Variants in MAP4 observed in about 807,000 individuals in gnomAD.
MAP4 encodes microtubule-associated protein 4.
A neutral mutation model predicts 170.2 loss-of-function variants in MAP4; 76 were observed. The observed-to-expected ratio is 0.45, with a 90% CI of 0.37 to 0.54. MAP4 has a LOEUF of 0.54. Ranked by LOEUF, MAP4 falls within the 20% of genes least tolerant of loss-of-function variation. MAP4 has a pLI of 0.00. For missense variants in MAP4, 2,506 were observed against 2,748.0 expected (o/e 0.91, Z 1.97); for synonymous variants, 909 against 994.5 (o/e 0.91, Z 1.62).
At chr3:48,008,767 C>A (rs1372858185) in intron 1 of MAP4, among the ~76,000 whole-genome samples, 4 of 152,326 alleles carry the variant, frequency 2.6e-5, no homozygotes, top group East Asian at 1.9e-4. Flanking sequence ...CCATGGCCAA[C>A]AAAGTGGCCA....
In MAP4 at chr3:48,051,678, C is replaced by T. The variant is rs114136830; in HGVS notation, c.-20+37095G>A. On this transcript the variant is annotated intron_variant, in intron 1 of 18. Coordinates refer to the MAP4 transcript ENST00000360240. The stretch of plus-strand genomic sequence containing the variant: ...TAAGAATCATTTTAGTTCAAACTAC[C>T]ACCACATAATCATGTTCATTCAACA... Among the ~76,000 whole-genome samples the T allele has an allele frequency of 1.3e-3, 201 of 152,158 alleles. 1 individual carries two copies. Among genetic ancestry groups the T allele is most frequent in the African/African-American group, 4.6e-3 (189 of 41,514 alleles).
At chr3:48,029,597 T>G (rs143724407) in intron 1 of MAP4, among the ~76,000 whole-genome samples, 1 of 152,202 alleles carries the variant, frequency 6.6e-6, no homozygotes, top group African/African-American at 2.4e-5. Flanking sequence ...CCTAAGGTAG[T>G]AATCTGAACG....
At chr3:47,896,570 T>C (rs1392652330) in intron 10 of MAP4, among the ~76,000 whole-genome samples, 3 of 151,928 alleles carry the variant, frequency 2.0e-5, no homozygotes, top group African/African-American at 7.3e-5. Flanking sequence ...ACTGTACATA[T>C]ATATATATGA....
At chr3:47,913,001 G>A (rs890104626) in intron 8 of MAP4, among the ~76,000 whole-genome samples, 6 of 152,098 alleles carry the variant, frequency 3.9e-5, no homozygotes, top group African/African-American at 1.4e-4. Context: ...CCACATTTTG[G>A]TCAGAGAAAA....
Position 47,852,695 on chromosome 3 carries a change from A to T in MAP4, c.*239T>A, listed in dbSNP as rs747065518. 5.7e-5 allele frequency: 82 copies of T among 1,441,826 alleles called. No individual in the cohort carries two copies. Among genetic ancestry groups the T allele is most frequent in the Non-Finnish European group, 7.3e-5 (79 of 1,082,300 alleles). The allele number at this position is 1,441,826 out of a possible 1,614,324, so 89.3% of individuals were successfully genotyped here. The stretch of plus-strand genomic sequence containing the variant: ...TGGGCCCAGGCTGGGGAGTGAGAGG[A>T]GGTGTGGGGCAGGGCTGCTGCTGCC... On this transcript the variant is annotated 3_prime_UTR_variant, in exon 21 of 21. Transcript: ENST00000683076.
intron 3 of MAP4, among the ~76,000 whole-genome samples, chr3:47,951,004 T>A (rs971747867): frequency 1.3e-5 from 2 of 152,334 alleles, no homozygotes; most frequent in Middle Eastern, 3.4e-3. Context: ...TCAACAAATA[T>A]ATAAGACTAG....
chr3:47,991,093 G>A (rs1038035185), intron 2 of MAP4, among the ~76,000 whole-genome samples: 2 of 152,158 alleles, frequency 1.3e-5, no homozygotes, highest in Non-Finnish European at 2.9e-5. Context: ...AGGTCGGGGG[G>A]TTCTTGTGTT....
intron 8 of MAP4, among the ~76,000 whole-genome samples, chr3:47,914,094 TG>T (rs2100037331): frequency 6.6e-6 from 1 of 152,202 alleles, no homozygotes; most frequent in African/African-American, 2.4e-5. Flanking sequence ...TGTTGGGCCA[TG>T]GAACACTGTA....
intron 2 of MAP4, among the ~76,000 whole-genome samples, chr3:47,996,914 A>G (rs977570367): frequency 6.6e-6 from 1 of 152,196 alleles, no homozygotes; most frequent in African/African-American, 2.4e-5. Flanking sequence ...AGAAATAAGG[A>G]AGCTTATAAG....
chr3:47,982,367 A>G (rs778714716), intron 2 of MAP4, among the ~76,000 whole-genome samples: 4 of 152,214 alleles, frequency 2.6e-5, no homozygotes, highest in Non-Finnish European at 5.9e-5. Flanking sequence ...GAGACATGTT[A>G]TGGAAATAAA....
Position 47,867,414 on chromosome 3 carries a change from T to C in MAP4, c.6409-76A>G, listed in dbSNP as rs2082382469. On this transcript the variant is annotated intron_variant, in intron 16 of 20. Coordinates refer to ENST00000683076, the MANE Select transcript of MAP4 (RefSeq NM_001385682.1). ...GAACCGACACAGGGAAGGCAGTGAG[T>C]CCACACGTGATCACAATGACCAACA... 6 of 907,484 alleles carry C rather than the reference T, an allele frequency of 6.6e-6. No homozygotes were observed. In the South Asian group the frequency reaches 6.9e-5, roughly 10 times the overall value. 56.2% of individuals were successfully genotyped at this position (907,484 alleles called of 1,614,324 possible). A position where few individuals can be genotyped will look rare whatever the true frequency, so the allele number is the denominator to read the frequency against.
intron 3 of MAP4, among the ~76,000 whole-genome samples, chr3:47,956,786 T>C (rs1460793698): frequency 1.3e-5 from 2 of 152,086 alleles, no homozygotes; most frequent in Non-Finnish European, 2.9e-5. Flanking sequence ...GCTACAAGAG[T>C]GCTTGCTCAA....
intron 1 of MAP4, among the ~76,000 whole-genome samples, chr3:48,009,507 T>C (rs2100104150): frequency 6.6e-6 from 1 of 152,220 alleles, no homozygotes; most frequent in African/African-American, 2.4e-5. Flanking sequence ...CTCATGCTCA[T>C]GGAATTCACT....
chr3:47,932,398 G>T (rs1392729750), intron 3 of MAP4, among the ~76,000 whole-genome samples: 1 of 152,088 alleles, frequency 6.6e-6, no homozygotes, highest in African/African-American at 2.4e-5. Flanking sequence ...TTCACGTACA[G>T]GTTTTTGTGG....
intron 17 of MAP4, 47 bp from the exon 18 acceptor site, chr3:47,857,559 TCAGAGC>T (rs1355875136): frequency 7.5e-7 from 1 of 1,324,688 alleles, no homozygotes; most frequent in East Asian, 2.3e-5. Context: ...AGGTATACTG[TCAGAGC>T]CAACCCCATG....
chr3:47,980,237 G>C (rs1357082431), intron 2 of MAP4, among the ~76,000 whole-genome samples: 1 of 152,022 alleles, frequency 6.6e-6, no homozygotes, highest in Admixed American at 6.6e-5. Flanking sequence ...AGACTATATA[G>C]ATCAATTTGG....
At chr3:47,938,751 C>T (rs1398752508) in intron 3 of MAP4, among the ~76,000 whole-genome samples, 4 of 152,210 alleles carry the variant, frequency 2.6e-5, no homozygotes, top group Admixed American at 2.6e-4. Context: ...GCCCTTTCAT[C>T]TCTCTTAGTC....
chr3:47,885,157 T>C (rs2097362269), intron 10 of MAP4, among the ~76,000 whole-genome samples: 1 of 152,310 alleles, frequency 6.6e-6, no homozygotes, highest in Admixed American at 6.5e-5. Flanking sequence ...CCTTTCCTTT[T>C]CTTTTCAGTC....
chr3:47,859,775 G>A (rs1306567203), intron 17 of MAP4, among the ~76,000 whole-genome samples: 1 of 152,158 alleles, frequency 6.6e-6, no homozygotes, highest in Non-Finnish European at 1.5e-5. Flanking sequence ...ATTTTCCCTA[G>A]ATAGAAATTT....
Sources: allele counts gnomAD v4.1 joint callset (sites outside exome capture counted in the v4.1 genomes callset), GRCh38; gene constraint gnomAD v4.1.1; transcripts MANE v1.5; gene names NCBI Gene and HGNC (gene_info 2026-07-23, HGNC 2026-07-21).